The following SNTG1 variants were observed in gnomAD, a reference collection of about 807,000 sequenced individuals.
SNTG1 encodes the protein gamma-1-syntrophin.
A neutral mutation model predicts 74.7 loss-of-function variants in SNTG1; 39 were observed. That is an observed-to-expected ratio of 0.52 (90% CI 0.40 to 0.68). The LOEUF is 0.68. Ranked by LOEUF, SNTG1 falls within the 30% of genes least tolerant of loss-of-function variation. The pLI, the probability that SNTG1 is intolerant of heterozygous loss-of-function variation, is 0.00. For synonymous variants in SNTG1, 254 were observed against 217.1 expected, an observed-to-expected ratio of 1.17 and a Z score of -1.49; for missense variants, 685 against 609.5, an observed-to-expected ratio of 1.12 and a Z score of -1.30.
intron 2 of SNTG1, among the ~76,000 whole-genome samples, chr8:50,379,438 C>T (rs1234904539): frequency 1.3e-5 from 2 of 152,232 alleles, no homozygotes; most frequent in South Asian, 2.1e-4. Flanking sequence ...GGCAGGGCTC[C>T]CTCCTGCTCC....
intron 1 of SNTG1, among the ~76,000 whole-genome samples, chr8:50,032,142 T>C (rs1817790310): frequency 6.6e-6 from 1 of 152,124 alleles, no homozygotes; most frequent in Non-Finnish European, 1.5e-5. Flanking sequence ...GTTCCTTCCT[T>C]CATTTCTATT....
intron 4 of SNTG1, among the ~76,000 whole-genome samples, chr8:50,429,734 C>T (rs925696239): frequency 1.3e-5 from 2 of 151,944 alleles, no homozygotes; most frequent in Non-Finnish European, 1.5e-5. Flanking sequence ...TTGTAAATCA[C>T]AAATCTAGTG....
intron 15 of SNTG1, among the ~76,000 whole-genome samples, chr8:50,670,842 G>A (rs904010644): frequency 6.6e-6 from 1 of 151,220 alleles, no homozygotes; most frequent in Non-Finnish European, 1.5e-5. Flanking sequence ...TACCAAAACA[G>A]AGATATAGAT....
upstream of SNTG1, chr8:49,910,026 C>T (rs3812424): frequency 0.52 from 78,516 of 152,242 alleles, 22,833 homozygotes; most frequent in East Asian, 0.82. Flanking sequence ...CCGTCCCCCG[C>T]GCGCGCCGCA....
At chr8:50,362,190 T>A (rs2091978142) in intron 2 of SNTG1, among the ~76,000 whole-genome samples, 1 of 152,154 alleles carries the variant, frequency 6.6e-6, no homozygotes. Context: ...TGTCCCCTCA[T>A]TGAGTTCACT....
intron 9 of SNTG1, among the ~76,000 whole-genome samples, chr8:50,510,119 C>T (rs758636822): frequency 1.3e-5 from 2 of 152,086 alleles, no homozygotes; most frequent in Non-Finnish European, 2.9e-5. Context: ...GAGTTTTTAG[C>T]ATGAAGGGTT....
At chr8:50,240,074 G>A (rs1484683615) in intron 2 of SNTG1, among the ~76,000 whole-genome samples, 2 of 152,144 alleles carry the variant, frequency 1.3e-5, no homozygotes, top group Non-Finnish European at 2.9e-5. Context: ...AAGATATTGG[G>A]GTTAATGGAA....
At chr8:50,177,118 G>T (rs573556671) in intron 2 of SNTG1, among the ~76,000 whole-genome samples, 16 of 152,090 alleles carry the variant, frequency 1.1e-4, no homozygotes, top group Non-Finnish European at 2.1e-4. Context: ...ACAGGGAAAA[G>T]CAAAAAAGTC....
intron 1 of SNTG1, among the ~76,000 whole-genome samples, chr8:49,939,491 G>GACTCCCACT (rs1352234766): frequency 1.3e-5 from 2 of 152,130 alleles, no homozygotes; most frequent in Admixed American, 6.5e-5. Context: ...TTCTGAAACA[G>GACTCCCACT]ACTCCCACTA....
intron 2 of SNTG1, among the ~76,000 whole-genome samples, chr8:50,294,990 G>A (rs1307836048): frequency 6.6e-6 from 1 of 152,086 alleles, no homozygotes; most frequent in African/African-American, 2.4e-5. Context: ...AACAGATACA[G>A]GCTGAAGTCA....
chr8:50,179,457 A>T (rs867504418), intron 2 of SNTG1, among the ~76,000 whole-genome samples: 4 of 152,214 alleles, frequency 2.6e-5, no homozygotes, highest in African/African-American at 7.2e-5. Context: ...AAACTAAAAA[A>T]CATTTGCATG....
chr8:50,398,319 G>C (rs1260290934), intron 3 of SNTG1, among the ~76,000 whole-genome samples: 1 of 152,176 alleles, frequency 6.6e-6, no homozygotes, highest in Non-Finnish European at 1.5e-5. Context: ...TAGCACGCCT[G>C]GTCCTCTCCA....
intron 1 of SNTG1, among the ~76,000 whole-genome samples, chr8:50,019,105 G>A (rs1209560622): frequency 1.3e-5 from 2 of 151,906 alleles, no homozygotes; most frequent in Non-Finnish European, 2.9e-5. Context: ...TAATACGTGT[G>A]GGAATTATTT....
At chr8:50,289,393 AC>A (rs1469693425) in intron 2 of SNTG1, among the ~76,000 whole-genome samples, 5 of 152,188 alleles carry the variant, frequency 3.3e-5, no homozygotes, top group African/African-American at 1.2e-4. Flanking sequence ...CTTTTGTAGC[AC>A]AATCATGCAT....
chr8:50,094,342 G>T (rs1228600009), intron 1 of SNTG1, among the ~76,000 whole-genome samples: 1 of 152,064 alleles, frequency 6.6e-6, no homozygotes, highest in East Asian at 1.9e-4. Context: ...ATTTAGTAAT[G>T]TATGCAAAGG....
intron 9 of SNTG1, among the ~76,000 whole-genome samples, chr8:50,529,801 G>T (rs1030897844): frequency 2.0e-5 from 3 of 151,944 alleles, no homozygotes; most frequent in East Asian, 1.9e-4. Flanking sequence ...TTACCACTTG[G>T]TTGAAATATG....
intron 18 of SNTG1, chr8:50,762,931 C>A (rs183978342): frequency 1.8e-5 from 5 of 278,344 alleles, no homozygotes; most frequent in Non-Finnish European, 3.6e-5. Context: ...TCTCCAAAAT[C>A]CACTATGAGA....
At chr8:50,211,439 G>A (rs2084517366) in intron 2 of SNTG1, among the ~76,000 whole-genome samples, 1 of 151,818 alleles carries the variant, frequency 6.6e-6, no homozygotes. Context: ...TATGTACTTG[G>A]TGCCATGCAT....
Position 50,795,298 on chromosome 8 carries a change from A to T in SNTG1, c.*2469A>T, listed in dbSNP as rs867096928. On this transcript the variant is annotated 3_prime_UTR_variant, in exon 19 of 19. Coordinates refer to ENST00000642720, the MANE Select transcript of SNTG1 (RefSeq NM_018967.5). ...GTAACAAAATACTATTCTCGTTTTCATCAGTTTAACAATTAGTATTTAATG... is the reference window on the plus strand; with the variant it reads ...GTAACAAAATACTATTCTCGTTTTCTTCAGTTTAACAATTAGTATTTAATG... 1 of 152,068 alleles carries T rather than the reference A, an allele frequency of 6.6e-6. No individual in the cohort carries two copies. The highest frequency in any genetic ancestry group is 2.4e-5 in the African/African-American group (1 of 41,440). 9.4% of individuals were successfully genotyped at this position (152,068 alleles called of 1,614,324 possible).
Sources: gnomAD v4.1 joint callset for allele counts (sites outside exome capture counted in the v4.1 genomes callset) on GRCh38, gnomAD v4.1.1 for gene constraint, MANE v1.5 for transcripts, NCBI Gene and HGNC (gene_info 2026-07-23, HGNC 2026-07-21) for gene names.